BMP2K: variants seen among roughly 807,000 people sequenced by gnomAD.
BMP2K encodes BMP2 inducible kinase.
In BMP2K, 74 loss-of-function variants were observed where a neutral mutation model predicts 116.0. That is an observed-to-expected ratio of 0.64 (90% CI 0.53 to 0.77). BMP2K has a LOEUF of 0.77. Ranked by LOEUF, BMP2K falls within the 30% of genes least tolerant of loss-of-function variation. BMP2K has a pLI of 0.00. For synonymous variants in BMP2K, 486 were observed against 502.5 expected, an observed-to-expected ratio of 0.97 and a Z score of 0.44; for missense variants, 1,365 against 1,403.6, an observed-to-expected ratio of 0.97 and a Z score of 0.44.
chr4:78,862,789 T>A (rs1731858671), intron 9 of BMP2K, among the ~76,000 whole-genome samples: 1 of 152,150 alleles, frequency 6.6e-6, no homozygotes. Context: ...TCACTTGAAT[T>A]TCAAAATGTT....
intron 3 of BMP2K, 70 bp from the exon 4 acceptor site, chr4:78,842,315 T>G (rs1162362147): frequency 2.2e-6 from 3 of 1,375,248 alleles, no homozygotes; most frequent in Non-Finnish European, 3.0e-6. Flanking sequence ...CATAAAGACA[T>G]TTCTTAATTT....
chr4:78,829,775 CTTTTCTT>C (rs1437671112), intron 2 of BMP2K, among the ~76,000 whole-genome samples: 27 of 113,404 alleles, frequency 2.4e-4, no homozygotes, highest in African/African-American at 1.2e-3. Flanking sequence ...CTTTTCTTTT[CTTTTCTT>C]TTCTTTTCTC....
intron 1 of BMP2K, among the ~76,000 whole-genome samples, chr4:78,819,292 C>G (rs557254528): frequency 6.6e-6 from 1 of 152,014 alleles, no homozygotes; most frequent in African/African-American, 2.4e-5. Flanking sequence ...TGATCTTAGG[C>G]GATCCACCAT....
intron 10 of BMP2K, among the ~76,000 whole-genome samples, chr4:78,870,053 G>A (rs2110057448): frequency 6.6e-6 from 1 of 152,108 alleles, no homozygotes; most frequent in Non-Finnish European, 1.5e-5. Context: ...AGAAATTATG[G>A]TATATTAGTA....
At chr4:78,861,210 T>C (rs1731769292) in intron 8 of BMP2K, among the ~76,000 whole-genome samples, 179 bp from the exon 9 acceptor site, 1 of 151,948 alleles carries the variant, frequency 6.6e-6, no homozygotes, top group Non-Finnish European at 1.5e-5. Context: ...GTGTAACATG[T>C]AGTGATATTT....
chr4:78,906,359 T>C (rs1217897885), intron 15 of BMP2K, among the ~76,000 whole-genome samples: 1 of 152,086 alleles, frequency 6.6e-6, no homozygotes, highest in Non-Finnish European at 1.5e-5. Context: ...TAGTTTTATG[T>C]AGGGGGGCAA....
chr4:78,843,383 CCT>C (rs1183877334), intron 4 of BMP2K, among the ~76,000 whole-genome samples: 2 of 151,614 alleles, frequency 1.3e-5, no homozygotes, highest in Non-Finnish European at 3.0e-5. Context: ...TATTTCCTGC[CCT>C]CTCCCTCTAG....
At chr4:78,835,270 A>G (rs1730415683) in intron 3 of BMP2K, among the ~76,000 whole-genome samples, 1 of 152,130 alleles carries the variant, frequency 6.6e-6, no homozygotes, top group East Asian at 1.9e-4. Context: ...TCAAATCATC[A>G]AGCTCTGTGG....
intron 12 of BMP2K, 28 bp from the exon 13 acceptor site, chr4:78,872,585 GT>G: frequency 6.2e-7 from 1 of 1,604,482 alleles, no homozygotes; most frequent in Non-Finnish European, 8.5e-7. Flanking sequence ...CTGGAGCATT[GT>G]TTTGTATAAT....
intron 9 of BMP2K, among the ~76,000 whole-genome samples, chr4:78,862,444 G>A (rs189361856): frequency 5.0e-4 from 76 of 152,102 alleles, no homozygotes; most frequent in African/African-American, 1.8e-3. Context: ...CACTTGGAAG[G>A]GTGTGGAGTG....
At chr4:78,779,414 G>C (rs1727399374) in intron 1 of BMP2K, among the ~76,000 whole-genome samples, 1 of 152,184 alleles carries the variant, frequency 6.6e-6, no homozygotes, top group Admixed American at 6.5e-5. Flanking sequence ...ACTACGCTTA[G>C]GGACTGTTTT....
chr4:78,808,345 A>T (rs2109967570), intron 1 of BMP2K, among the ~76,000 whole-genome samples: 1 of 148,844 alleles, frequency 6.7e-6, no homozygotes, highest in African/African-American at 2.5e-5. Context: ...GGCTCACTGC[A>T]AGCTTCACCT....
chr4:78,776,564 G>A lies in BMP2K; in HGVS notation c.21G>A (p.Met7Ile). 8.7e-7 allele frequency: 1 copy of A among 1,153,132 alleles called. No individual in the cohort carries two copies. Among genetic ancestry groups the A allele is most frequent in the South Asian group, 4.2e-5 (1 of 23,634 alleles). 71.4% of individuals were successfully genotyped at this position (1,153,132 alleles called of 1,614,324 possible). A position where few individuals can be genotyped will look rare whatever the true frequency, so the allele number is the denominator to read the frequency against. The change falls in exon 1 of 16, where the codon ATG (methionine) becomes ATA (isoleucine). Residue 7 changes from methionine (M) to isoleucine (I), a missense_variant. Transcript: ENST00000502613. MKKFSR[M>I]PKSEGGSGGG... Reference sequence around the variant, plus strand: ...GGACCATGAAGAAGTTCTCTCGGATGCCCAAGTCGGAGGGCGGCAGCGGCG... The same window carrying A: ...GGACCATGAAGAAGTTCTCTCGGATACCCAAGTCGGAGGGCGGCAGCGGCG...
At chr4:78,910,002 G>A (rs746442539) in intron 15 of BMP2K, among the ~76,000 whole-genome samples, 3 of 152,150 alleles carry the variant, frequency 2.0e-5, no homozygotes, top group Non-Finnish European at 4.4e-5. Flanking sequence ...TATAATTAAA[G>A]GAAGTCATAT....
intron 13 of BMP2K, among the ~76,000 whole-genome samples, chr4:78,875,708 T>G (rs1577950200): frequency 6.6e-6 from 1 of 152,160 alleles, no homozygotes; most frequent in Non-Finnish European, 1.5e-5. Context: ...GCTTGGCTGG[T>G]GATAAAGGAT....
At chr4:78,825,880 G>A (rs755984432) in intron 1 of BMP2K, among the ~76,000 whole-genome samples, 157 bp from the exon 2 acceptor site, 7 of 152,224 alleles carry the variant, frequency 4.6e-5, no homozygotes, top group Admixed American at 3.9e-4. Context: ...TAGGAAGCCA[G>A]TGTTTTGGCA....
chr4:78,831,151 C>T (rs1028647414), intron 2 of BMP2K, among the ~76,000 whole-genome samples: 4 of 152,166 alleles, frequency 2.6e-5, no homozygotes, highest in South Asian at 2.1e-4. Context: ...GCCTGAGGAA[C>T]GGCTAGCCGG....
chr4:78,841,320 T>C (rs1011082825), intron 3 of BMP2K, among the ~76,000 whole-genome samples: 3 of 152,212 alleles, frequency 2.0e-5, no homozygotes, highest in African/African-American at 7.2e-5. Context: ...AAACTCAATT[T>C]TTATTAGACT....
chr4:78,898,928 A>G (rs1377805973), intron 15 of BMP2K: 1 of 152,180 alleles, frequency 6.6e-6, no homozygotes, highest in Non-Finnish European at 1.5e-5. Flanking sequence ...TGAGCCCAGT[A>G]GTTCTGGACT....
Sources: allele counts gnomAD v4.1 joint callset (sites outside exome capture counted in the v4.1 genomes callset), GRCh38; gene constraint gnomAD v4.1.1; transcripts MANE v1.5; gene names NCBI Gene and HGNC (gene_info 2026-07-23, HGNC 2026-07-21).